Variants in CHRM3 observed in about 807,000 individuals in gnomAD.
The protein encoded by CHRM3 is cholinergic receptor muscarinic 3.
In CHRM3, 11 loss-of-function variants were observed where a neutral mutation model predicts 41.8. That is an observed-to-expected ratio of 0.26 (90% CI 0.17 to 0.44). The LOEUF (loss-of-function observed/expected upper bound fraction) is 0.44. CHRM3 is among the 20% of genes least tolerant of loss of function. The probability of loss-of-function intolerance (pLI) is 1.00; values close to 1 mark genes in which losing one functional copy is unlikely to be tolerated. For missense variants in CHRM3, 571 were observed against 745.4 expected, an observed-to-expected ratio of 0.77 and a Z score of 2.72; for synonymous variants, 297 against 301.4, an observed-to-expected ratio of 0.99 and a Z score of 0.15.
chr1:239,426,465 C>G (rs1430473016), intron 1 of CHRM3, among the ~76,000 whole-genome samples: 5 of 123,046 alleles, frequency 4.1e-5, no homozygotes, highest in African/African-American at 1.7e-4. Context: ...CGAACTCACC[C>G]CGCAAAAAAA....
intron 5 of CHRM3, chr1:239,705,310 G>A (rs1195383704): frequency 6.6e-6 from 1 of 152,150 alleles, no homozygotes; most frequent in Non-Finnish European, 1.5e-5. Flanking sequence ...TACTATAACT[G>A]CCTTTACTTT....
At position 239,684,770 on chromosome 1, in the gene CHRM3, G is replaced by GAAAGAAAGAAAGAA. The variant is rs142339442; in HGVS notation, c.-147+6483_-147+6484insAAGAAAGAAAGAAA. On this transcript the variant is annotated intron_variant, in intron 5 of 6. Transcript: ENST00000676153. ...AAAGAGAAAGAAAGAAAGAAAGAAAGAGAAAGAGAAAGAAAAGAGAAGAGA... is the reference window on the plus strand; with the variant it reads ...AAAGAGAAAGAAAGAAAGAAAGAAAGAAAGAAAGAAAGAAAGAAAGAGAAAGAAAAGAGAAGAGA... Among the ~76,000 whole-genome samples the GAAAGAAAGAAAGAA allele has an allele frequency of 1.5e-3, 200 of 129,188 alleles. 5 individuals are homozygous for GAAAGAAAGAAAGAA. Among genetic ancestry groups the GAAAGAAAGAAAGAA allele is most frequent in the Admixed American group, 9.8e-3 (120 of 12,192 alleles). 84.8% of individuals were successfully genotyped at this position (129,188 alleles called of 152,430 possible).
chr1:239,602,110 G>GTGTGTGTATATATATATATATATATA (rs1307023039), intron 3 of CHRM3, among the ~76,000 whole-genome samples: 10 of 112,842 alleles, frequency 8.9e-5, no homozygotes, highest in African/African-American at 3.4e-4. Flanking sequence ...GTGTGTGTGT[G>GTGTGTGTATATATATATATATATATA]TATATATATA....
intron 2 of CHRM3, among the ~76,000 whole-genome samples, chr1:239,542,642 G>A (rs1658893108): frequency 6.6e-6 from 1 of 152,180 alleles, no homozygotes. Flanking sequence ...CCAAGGTCAT[G>A]TAGCAAGAAT....
intron 1 of CHRM3, among the ~76,000 whole-genome samples, chr1:239,415,915 T>C (rs983124164): frequency 6.6e-6 from 1 of 152,326 alleles, no homozygotes; most frequent in African/African-American, 2.4e-5. Flanking sequence ...AAGTGCTTAA[T>C]TTTAATGTTT....
At chr1:239,578,590 G>A (rs993062488) in intron 3 of CHRM3, among the ~76,000 whole-genome samples, 18 of 152,134 alleles carry the variant, frequency 1.2e-4, no homozygotes, top group African/African-American at 4.3e-4. Flanking sequence ...AACCTCTTAT[G>A]TGACTATTTT....
chr1:239,867,711 G>T (rs909382747), intron 6 of CHRM3, among the ~76,000 whole-genome samples: 1 of 151,438 alleles, frequency 6.6e-6, no homozygotes, highest in East Asian at 1.9e-4. Context: ...TCGTGTCCAG[G>T]TATATGATGA....
chr1:239,580,704 T>TATACAC (rs570878631), intron 3 of CHRM3, among the ~76,000 whole-genome samples: 3 of 131,064 alleles, frequency 2.3e-5, no homozygotes, highest in African/African-American at 8.6e-5. Flanking sequence ...TATATATATA[T>TATACAC]ACACACACAC....
At chr1:239,651,624 C>G (rs1672245536) in intron 4 of CHRM3, among the ~76,000 whole-genome samples, 1 of 152,148 alleles carries the variant, frequency 6.6e-6, no homozygotes, top group Non-Finnish European at 1.5e-5. Context: ...CCAGCACTTT[C>G]TGAGGGGAGT....
intron 6 of CHRM3, among the ~76,000 whole-genome samples, chr1:239,830,941 G>T (rs1350547186): frequency 6.6e-6 from 1 of 151,978 alleles, no homozygotes; most frequent in African/African-American, 2.4e-5. Context: ...GAGGTGGAAA[G>T]TTCCCCTATT....
chr1:239,706,255 A>G (rs1661154225), intron 5 of CHRM3: 1 of 151,280 alleles, frequency 6.6e-6, no homozygotes, highest in South Asian at 2.1e-4. Context: ...AAATATTTAG[A>G]AGATTATTTG....
At chr1:239,457,313 T>C (rs1020477245) in intron 1 of CHRM3, among the ~76,000 whole-genome samples, 1 of 152,206 alleles carries the variant, frequency 6.6e-6, no homozygotes, top group Non-Finnish European at 1.5e-5. Flanking sequence ...GCTTGACATA[T>C]GCTAAGCAAC....
rs532183895 is a variant in CHRM3 at position 239,915,275 on chromosome 1, C to T, written c.*6051C>T. On this transcript the variant is annotated 3_prime_UTR_variant, in exon 7 of 7. Coordinates refer to ENST00000676153, the MANE Select transcript of CHRM3 (RefSeq NM_001375978.1). ...TGAATTTTACCTTTTTTTATTACCTCGTGGCCAGCACTTCCTCAGTAGGCA... is the reference window on the plus strand; with the variant it reads ...TGAATTTTACCTTTTTTTATTACCTTGTGGCCAGCACTTCCTCAGTAGGCA... 1.8e-5 allele frequency: 3 copies of T among 167,204 alleles called. No homozygotes were observed. The highest frequency in any genetic ancestry group is 1.3e-4 in the Admixed American group (2 of 15,304). 10.4% of individuals were successfully genotyped at this position (167,204 alleles called of 1,614,324 possible).
At chr1:239,864,149 G>C (rs911736644) in intron 6 of CHRM3, among the ~76,000 whole-genome samples, 216 of 152,126 alleles carry the variant, frequency 1.4e-3, no homozygotes, top group African/African-American at 4.8e-3. Flanking sequence ...GGAGGCCGAG[G>C]AAAGAGGCTA....
chr1:239,427,587 G>A (rs1572260783), intron 1 of CHRM3, among the ~76,000 whole-genome samples: 1 of 152,182 alleles, frequency 6.6e-6, no homozygotes, highest in Admixed American at 6.5e-5. Context: ...CAAAGGGCAA[G>A]GAAACACCTG....
At chr1:239,483,998 A>G (rs1345885860) in intron 1 of CHRM3, among the ~76,000 whole-genome samples, 1 of 152,230 alleles carries the variant, frequency 6.6e-6, no homozygotes, top group Non-Finnish European at 1.5e-5. Context: ...ACATAATGCT[A>G]TTAACGAAGT....
At chr1:239,802,759 A>G (rs1670318407) in intron 5 of CHRM3, among the ~76,000 whole-genome samples, 2 of 152,034 alleles carry the variant, frequency 1.3e-5, no homozygotes, top group Admixed American at 1.3e-4. Context: ...CACCACGCCC[A>G]GCTAATTTTT....
At chr1:239,503,992 A>T (rs1224014546) in intron 2 of CHRM3, among the ~76,000 whole-genome samples, 1 of 152,178 alleles carries the variant, frequency 6.6e-6, no homozygotes, top group African/African-American at 2.4e-5. Context: ...AAATCCTTCT[A>T]GACATTGGCT....
At chr1:239,724,818 C>G (rs1428214277) in intron 5 of CHRM3, among the ~76,000 whole-genome samples, 1 of 151,838 alleles carries the variant, frequency 6.6e-6, no homozygotes, top group East Asian at 1.9e-4. Context: ...TCCCTGGCCC[C>G]CACATCTAAT....
Sources: gnomAD v4.1 joint callset for allele counts (sites outside exome capture counted in the v4.1 genomes callset) on GRCh38, gnomAD v4.1.1 for gene constraint, MANE v1.5 for transcripts, NCBI Gene and HGNC (gene_info 2026-07-23, HGNC 2026-07-21) for gene names.